Variants in NEURL1 observed in about 807,000 individuals in gnomAD.
NEURL1 encodes neuralized E3 ubiquitin protein ligase 1.
In NEURL1, 26 loss-of-function variants were observed where a neutral mutation model predicts 41.2. The ratio of observed to expected loss-of-function variants is 0.63; its 90% CI spans 0.46 to 0.87. The LOEUF is 0.87. Among genes scored for constraint, NEURL1 ranks in the 40% least tolerant of loss-of-function variants. The probability of loss-of-function intolerance (pLI) is 0.00; values close to 1 mark genes in which losing one functional copy is unlikely to be tolerated. For missense variants in NEURL1, 761 were observed against 871.1 expected (o/e 0.87, Z 1.59); for synonymous variants, 400 against 402.3 (o/e 0.99, Z 0.07).
At chr10:103,557,721 C>T (rs765770228) in intron 1 of NEURL1, among the ~76,000 whole-genome samples, 6 of 152,234 alleles carry the variant, frequency 3.9e-5, no homozygotes, top group East Asian at 1.9e-4. Context: ...CCTGTACACA[C>T]GCCCTAGCTG....
chr10:103,497,936 G>A (rs1045976470), intron 1 of NEURL1, among the ~76,000 whole-genome samples: 1 of 152,182 alleles, frequency 6.6e-6, no homozygotes, highest in African/African-American at 2.4e-5. Context: ...GGACATGGAG[G>A]GAACTGCAGG....
Position 103,590,299 on chromosome 10 carries a change from A to G in NEURL1, c.1652A>G (p.Lys551Arg). 1.2e-6 allele frequency: 2 copies of G among 1,614,124 alleles called. No homozygotes were observed. The highest frequency in any genetic ancestry group is 1.7e-6 in the Non-Finnish European group (2 of 1,180,006). Residue 551 changes from lysine (K) to arginine (R), a missense_variant, in exon 6 of 6, where the codon AAG becomes AGG. Physicochemically the swap from Lys to Arg is conservative, Grantham distance 26. Around this residue, in one of 5 missense-constraint regions of NEURL1, gnomAD observed 45 missense variants for 89.9 expected, o/e 0.50. Coordinates refer to ENST00000369780, the MANE Select transcript of NEURL1 (RefSeq NM_004210.5). ...TACGCCTGTGGCCTGCGCCTCAAGA[A>G]GGCTCTGCACGCCTGCTGCCCCATC... The part of the protein sequence containing the change: ...LCYACGLRLK[K>R]ALHACCPICR...
chr10:103,541,049 G>A lies in NEURL1; in HGVS notation c.86-29823G>A, dbSNP rs117028661. 3.3e-5 allele frequency among the ~76,000 whole-genome samples: 5 copies of A among 152,340 alleles called. No homozygotes were observed. The East Asian group carries it at 7.7e-4, about 23-fold the overall frequency. ...AGGGTCAGTACTGCTTATAAAGAAA[G>A]GCAGAAGTAACTGAACTCGATAATG... is the stretch of plus-strand genomic sequence containing the variant. On this transcript the variant is annotated intron_variant, in intron 1 of 5. Transcript: ENST00000369780.
chr10:103,555,461 C>T (rs760215843), intron 1 of NEURL1: 12 of 1,328,544 alleles, frequency 9.0e-6, no homozygotes, highest in Admixed American at 4.1e-5. Context: ...AGCCCGAGAC[C>T]GCCTGGGGAG....
chr10:103,520,212 C>A (rs548243423), intron 1 of NEURL1, among the ~76,000 whole-genome samples: 1 of 152,294 alleles, frequency 6.6e-6, no homozygotes, highest in East Asian at 1.9e-4. Context: ...GTCAGTGTCA[C>A]GTACGTCCGT....
intron 1 of NEURL1, among the ~76,000 whole-genome samples, chr10:103,521,562 T>C (rs998357466): frequency 1.3e-5 from 2 of 151,986 alleles, no homozygotes; most frequent in African/African-American, 4.8e-5. Context: ...TAGATTTCCA[T>C]GATGGAAAGG....
At chr10:103,559,419 G>A (rs1416853531) in intron 1 of NEURL1, among the ~76,000 whole-genome samples, 5 of 152,114 alleles carry the variant, frequency 3.3e-5, no homozygotes, top group Admixed American at 3.3e-4. Context: ...AGAGTGTGGG[G>A]TGGACAGAGG....
At position 103,584,800 on chromosome 10, in the gene NEURL1, T is replaced by C; in HGVS notation, c.914T>C (p.Val305Ala). The change falls in exon 4 of 6, where the codon GTC becomes GCC. Residue 305 changes from valine to alanine, a missense_variant. Physicochemically the swap from Val to Ala is moderately conservative, Grantham distance 64 (BLOSUM62 0). Coordinates refer to ENST00000369780, the MANE Select transcript of NEURL1 (RefSeq NM_004210.5). ...CACGCCCTGCGCGCCGGCGCGCACG[T>C]CCGCATCCTCGACGAGCAGACGGTG... is the stretch of plus-strand genomic sequence containing the variant. ...RFHALRAGAH[V>A]RILDEQTVAR... 7.0e-7 allele frequency: 1 copy of C among 1,431,182 alleles called. No homozygotes were observed. The highest frequency in any genetic ancestry group is 3.1e-5 in the East Asian group (1 of 32,564). The allele number at this position is 1,431,182 out of a possible 1,614,324, so 88.7% of individuals were successfully genotyped here.
At chr10:103,532,920 C>CTTTTTTTTTTTTTTTTTTTTTTTTTT (rs144783148) in intron 1 of NEURL1, among the ~76,000 whole-genome samples, 1 of 63,570 alleles carries the variant, frequency 1.6e-5, no homozygotes, top group Non-Finnish European at 2.6e-5. Context: ...TTCTCTTCTC[C>CTTTTTTTTTTTTTTTTTTTTTTTTTT]TTTTTTTTTT....
At position 103,570,913 on chromosome 10, in the gene NEURL1, C is replaced by T. The variant is rs2035527066; in HGVS notation, c.127C>T (p.His43Tyr). The T allele has an allele frequency of 6.2e-7, 1 of 1,613,712 alleles. No individual in the cohort carries two copies. Among genetic ancestry groups the T allele is most frequent in the South Asian group, 1.1e-5 (1 of 91,056 alleles). Reference sequence around the variant, plus strand: ...CTTCCCCGTCACTTCTCACCGATGCCACCACAAGCAGAAGCACTGTCCGGC... The same window carrying T: ...CTTCCCCGTCACTTCTCACCGATGCTACCACAAGCAGAAGCACTGTCCGGC... ...GPFPVTSHRC[H>Y]HKQKHCPAVL... Residue 43 changes from histidine (H) to tyrosine (Y), a missense_variant, in exon 2 of 6, where the codon CAC becomes TAC. By Grantham distance (83) the His-to-Tyr change is moderately conservative. This residue lies in a region of NEURL1 where 94 missense variants were observed against 96.6 expected (regional missense o/e 0.97). Coordinates refer to ENST00000369780, the MANE Select transcript of NEURL1 (RefSeq NM_004210.5).
chr10:103,591,708 T>C lies in NEURL1; in HGVS notation c.*1336T>C, dbSNP rs2036053382. The C allele has an allele frequency of 6.6e-6, 1 of 152,194 alleles. No individual in the cohort carries two copies. Among genetic ancestry groups the C allele is most frequent in the South Asian group, 2.1e-4 (1 of 4,830 alleles). The allele number at this position is 152,194 out of a possible 1,614,324, so 9.4% of individuals were successfully genotyped here. Reference sequence around the variant, plus strand: ...TGGGGCTGATGGTCACCCAGAGCCATAGAGCACCCTTCCTCCTGGGCCAGA... The same window carrying C: ...TGGGGCTGATGGTCACCCAGAGCCACAGAGCACCCTTCCTCCTGGGCCAGA... On this transcript the variant is annotated 3_prime_UTR_variant, in exon 6 of 6. Transcript: ENST00000369780.
At chr10:103,500,136 T>C (rs2033789634) in intron 1 of NEURL1, among the ~76,000 whole-genome samples, 1 of 152,208 alleles carries the variant, frequency 6.6e-6, no homozygotes, top group African/African-American at 2.4e-5. Context: ...AGCCCCGTGT[T>C]GAACCCAGAG....
intron 4 of NEURL1, among the ~76,000 whole-genome samples, chr10:103,586,548 G>A (rs930232143): frequency 2.0e-5 from 3 of 152,210 alleles, no homozygotes; most frequent in Non-Finnish European, 2.9e-5. Context: ...TGATAGATAA[G>A]ATAATGTGTG....
chr10:103,518,963 T>C (rs1212845444), intron 1 of NEURL1, among the ~76,000 whole-genome samples: 2 of 152,118 alleles, frequency 1.3e-5, no homozygotes, highest in Middle Eastern at 3.2e-3. Flanking sequence ...GTTTAAACTT[T>C]TATAGGCGCA....
chr10:103,590,105 C>T (rs1460257281), intron 5 of NEURL1, 29 bp from the exon 6 acceptor site: 2 of 1,606,734 alleles, frequency 1.2e-6, no homozygotes, highest in East Asian at 4.5e-5. Context: ...GGCCATGTCT[C>T]CTCCTGACTG....
chr10:103,560,616 G>A (rs756354729), intron 1 of NEURL1, among the ~76,000 whole-genome samples: 27 of 152,172 alleles, frequency 1.8e-4, no homozygotes, highest in Non-Finnish European at 3.2e-4. Flanking sequence ...GGAACTCTGT[G>A]GGAGGTGCCA....
chr10:103,559,200 G>A (rs973882942), intron 1 of NEURL1, among the ~76,000 whole-genome samples: 8 of 152,304 alleles, frequency 5.3e-5, no homozygotes, highest in Middle Eastern at 3.4e-3. Context: ...GATTAGCAGA[G>A]GGAGCTACCT....
chr10:103,557,186 TGGAG>T (rs2035175173), intron 1 of NEURL1, among the ~76,000 whole-genome samples: 2 of 152,058 alleles, frequency 1.3e-5, no homozygotes, highest in Non-Finnish European at 2.9e-5. Context: ...CCAGACACCT[TGGAG>T]GCTGAGGTGG....
chr10:103,574,924 A>G (rs968735716), intron 3 of NEURL1, among the ~76,000 whole-genome samples: 26 of 152,192 alleles, frequency 1.7e-4, no homozygotes, highest in African/African-American at 6.3e-4. Flanking sequence ...GGTATTTTCA[A>G]ACACTGATTA....
Sources: gnomAD v4.1 joint callset for allele counts (sites outside exome capture counted in the v4.1 genomes callset) on GRCh38, gnomAD v4.1.1 for gene constraint, gnomAD v4.1.1 regional missense constraint, MANE v1.5 for transcripts, NCBI Gene and HGNC (gene_info 2026-07-23, HGNC 2026-07-21) for gene names.